Variants in PRR16 observed in about 807,000 individuals in gnomAD.
PRR16 encodes protein Largen.
In PRR16, 6 loss-of-function variants were observed where a neutral mutation model predicts 18.2. That is an observed-to-expected ratio of 0.33 (90% confidence interval 0.18 to 0.65). The LOEUF is 0.65. Ranked by LOEUF, PRR16 falls within the 30% of genes least tolerant of loss-of-function variation. PRR16 has a pLI of 0.74. For synonymous variants in PRR16, 151 were observed against 147.8 expected, an observed-to-expected ratio of 1.02 and a Z score of -0.16; for missense variants, 412 against 376.6, an observed-to-expected ratio of 1.09 and a Z score of -0.78.
downstream of PRR16, among the ~76,000 whole-genome samples, chr5:120,688,440 T>C (rs962106875): frequency 6.6e-6 from 1 of 152,212 alleles, no homozygotes; most frequent in Non-Finnish European, 1.5e-5. Context: ...GTTATCTGTA[T>C]TATTAATATG....
At chr5:120,501,904 C>T (rs1327409708) in intron 1 of PRR16, among the ~76,000 whole-genome samples, 1 of 137,404 alleles carries the variant, frequency 7.3e-6, no homozygotes, top group Non-Finnish European at 1.5e-5. Flanking sequence ...TGCAGTGAGC[C>T]GAGATCGCGC....
chr5:120,595,238 G>A (rs1207855427), intron 1 of PRR16, among the ~76,000 whole-genome samples: 1 of 151,776 alleles, frequency 6.6e-6, no homozygotes, highest in Non-Finnish European at 1.5e-5. Context: ...AACGAAATTT[G>A]CAAGCAAAAT....
At chr5:120,658,928 C>A (rs979076619) in intron 1 of PRR16, among the ~76,000 whole-genome samples, 1 of 151,778 alleles carries the variant, frequency 6.6e-6, no homozygotes, top group Non-Finnish European at 1.5e-5. Flanking sequence ...TCCTGCCCTC[C>A]CCAGTCCTTG....
At chr5:120,705,021 T>A in the PRR16 span, among the ~76,000 whole-genome samples, 3 of 152,054 alleles carry the variant, frequency 2.0e-5, no homozygotes, top group African/African-American at 7.2e-5. Context: ...ATATATGACT[T>A]CCATGCATTA....
At chr5:120,722,785 G>A in the PRR16 span, among the ~76,000 whole-genome samples, 7 of 151,792 alleles carry the variant, frequency 4.6e-5, no homozygotes, top group African/African-American at 9.6e-5. Flanking sequence ...TTACTTAATC[G>A]TTCTTTCTCT....
intron 1 of PRR16, among the ~76,000 whole-genome samples, chr5:120,541,035 G>C (rs1233965876): frequency 6.6e-6 from 1 of 152,158 alleles, no homozygotes; most frequent in Non-Finnish European, 1.5e-5. Flanking sequence ...ATTTTATAAA[G>C]AGATTCTTTA....
intron 1 of PRR16, among the ~76,000 whole-genome samples, chr5:120,465,477 C>T (rs552312641): frequency 6.6e-6 from 1 of 152,198 alleles, no homozygotes; most frequent in Non-Finnish European, 1.5e-5. Context: ...TATCCCACTT[C>T]GGTTCAGCCC....
intron 1 of PRR16, among the ~76,000 whole-genome samples, chr5:120,539,663 A>G (rs544585578): frequency 5.2e-4 from 79 of 152,206 alleles, no homozygotes; most frequent in African/African-American, 1.7e-3. Flanking sequence ...TGAACCTGAA[A>G]TAGAACTTGA....
chr5:120,587,257 G>A (rs763595629), intron 1 of PRR16, among the ~76,000 whole-genome samples: 16 of 152,204 alleles, frequency 1.1e-4, no homozygotes, highest in Non-Finnish European at 2.1e-4. Context: ...AGCAGCAGCA[G>A]ATGATGGAGA....
intron 1 of PRR16, among the ~76,000 whole-genome samples, chr5:120,474,925 A>G (rs1749392159): frequency 6.6e-6 from 1 of 152,196 alleles, no homozygotes; most frequent in South Asian, 2.1e-4. Flanking sequence ...CTTTTGTCTC[A>G]TCCATCAATT....
At chr5:120,700,275 G>A in the PRR16 span, among the ~76,000 whole-genome samples, 2 of 152,168 alleles carry the variant, frequency 1.3e-5, no homozygotes, top group Non-Finnish European at 2.9e-5. Flanking sequence ...AGGCCATGCT[G>A]TAGCAGGCGA....
the PRR16 span, among the ~76,000 whole-genome samples, chr5:120,705,318 C>G: frequency 1.3e-5 from 2 of 151,970 alleles, no homozygotes; most frequent in African/African-American, 4.8e-5. Context: ...CCCAACATTG[C>G]CAGAAATGTT....
chr5:120,743,672 C>G, the PRR16 span, among the ~76,000 whole-genome samples: 2 of 151,984 alleles, frequency 1.3e-5, no homozygotes, highest in Non-Finnish European at 2.9e-5. Flanking sequence ...TTCATGGTTA[C>G]TTTTACTTTT....
rs1752556489 is a variant in PRR16 at position 120,560,976 on chromosome 5, C to G, written c.159+96331C>G. 2.6e-5 allele frequency among the ~76,000 whole-genome samples: 4 copies of G among 151,962 alleles called. No homozygotes were observed. In the South Asian group the frequency reaches 8.3e-4, roughly 31 times the overall value. On this transcript the variant is annotated intron_variant, in intron 1 of 1. Transcript: ENST00000407149. ...TTCTGAAGTATCAGTTGCAATGTCT[C>G]CTTTTTTATTTTTGATTCTGTTTGT...
chr5:120,655,412 C>T (rs1755934842), intron 1 of PRR16, among the ~76,000 whole-genome samples: 1 of 145,862 alleles, frequency 6.9e-6, no homozygotes. Context: ...TTTTTATGGT[C>T]CCTAATAGTT....
intron 1 of PRR16, among the ~76,000 whole-genome samples, chr5:120,508,431 T>G (rs1750715193): frequency 6.6e-6 from 1 of 152,134 alleles, no homozygotes; most frequent in Admixed American, 6.6e-5. Flanking sequence ...AAGGAGAATG[T>G]GTGGAGTCTG....
Position 120,574,703 on chromosome 5 carries a change from C to T in PRR16, c.159+110058C>T, listed in dbSNP as rs535013144. Among the ~76,000 whole-genome samples the T allele has an allele frequency of 5.4e-5, 8 of 149,128 alleles. No homozygotes were observed. The South Asian group carries it at 1.7e-3, about 31-fold the overall frequency. ...AGTCAAAGAGAAATGCAAATTAAAA[C>T]CACTTTATAATATTTGTAAACTAAA... On this transcript the variant is annotated intron_variant, in intron 1 of 1. Coordinates refer to ENST00000407149, the MANE Select transcript of PRR16 (RefSeq NM_001300783.2).
chr5:120,702,256 ACGGAAATAAGGGGT>A, the PRR16 span, among the ~76,000 whole-genome samples: 1 of 71,662 alleles, frequency 1.4e-5, no homozygotes, highest in African/African-American at 6.2e-5. Flanking sequence ...GGGTCGGGGC[ACGGAAATAAGGGGT>A]CGGGGCATGG....
At chr5:120,674,082 A>ACTAT (rs1231066994) in intron 1 of PRR16, among the ~76,000 whole-genome samples, 2 of 152,134 alleles carry the variant, frequency 1.3e-5, no homozygotes, top group African/African-American at 4.8e-5. Context: ...AATTTCAACT[A>ACTAT]CTATCTAAAC....
Sources: allele counts gnomAD v4.1 joint callset (sites outside exome capture counted in the v4.1 genomes callset), GRCh38; gene constraint gnomAD v4.1.1; transcripts MANE v1.5; gene names NCBI Gene and HGNC (gene_info 2026-07-23, HGNC 2026-07-21).